Variants in SDHA observed in about 807,000 individuals in gnomAD.
SDHA encodes the protein succinate dehydrogenase [ubiquinone] flavoprotein subunit, mitochondrial.
A neutral mutation model predicts 78.4 loss-of-function variants in SDHA; 48 were observed. The ratio of observed to expected loss-of-function variants is 0.61; its 90% CI spans 0.49 to 0.78. SDHA has a LOEUF of 0.78. Among genes scored for constraint, SDHA ranks in the 30% least tolerant of loss-of-function variants. SDHA has a pLI of 0.00. For missense variants in SDHA, 680 were observed against 892.7 expected (o/e 0.76, Z 3.04); for synonymous variants, 326 against 353.9 (o/e 0.92, Z 0.88).
the SDHA span, among the ~76,000 whole-genome samples, chr5:264,592 G>A: frequency 4.6e-5 from 7 of 152,338 alleles, no homozygotes; most frequent in African/African-American, 1.7e-4. Flanking sequence ...CCCGGGTGCT[G>A]GTGGTGTCAG....
intron 11 of SDHA, among the ~76,000 whole-genome samples, chr5:244,045 G>T (rs1340075673): frequency 2.0e-5 from 3 of 152,182 alleles, no homozygotes; most frequent in African/African-American, 7.2e-5. Flanking sequence ...GGGCTAATCA[G>T]TGTCACTCTA....
intron 7 of SDHA, among the ~76,000 whole-genome samples, chr5:232,019 G>T (rs1401852316): frequency 7.3e-6 from 1 of 137,638 alleles, no homozygotes; most frequent in Non-Finnish European, 1.5e-5. Flanking sequence ...ATGAGTCAGA[G>T]ACAGACACAC....
Position 246,421 on chromosome 5 carries a change from C to T in SDHA, c.1552-4571C>T, listed in dbSNP as rs572897057. On this transcript the variant is annotated intron_variant, in intron 11 of 14. Transcript: ENST00000264932. Reference sequence around the variant, plus strand: ...GCCGTAAAGCCCAAATCAATAGAATCGATCCAGAGAAGACTCGAGCTGCGG... The same window carrying T: ...GCCGTAAAGCCCAAATCAATAGAATTGATCCAGAGAAGACTCGAGCTGCGG... Among the ~76,000 whole-genome samples the T allele has an allele frequency of 7.4e-5, 11 of 149,370 alleles. No individual in the cohort carries two copies. The South Asian group carries it at 1.5e-3, about 21-fold the overall frequency.
chr5:236,004 T>A, intron 9 of SDHA: 1 of 288,974 alleles, frequency 3.5e-6, no homozygotes. Flanking sequence ...TACTTCCCTC[T>A]TAGATACGGT....
intron 1 of SDHA, 102 bp downstream of exon 1, chr5:218,520 C>T: frequency 2.3e-6 from 2 of 888,100 alleles, no homozygotes; most frequent in South Asian, 2.7e-5. Flanking sequence ...CGCCGGGTCC[C>T]TGCGCCCTCT....
intron 1 of SDHA, among the ~76,000 whole-genome samples, chr5:222,433 T>C (rs539735990): frequency 1.3e-5 from 2 of 151,412 alleles, no homozygotes; most frequent in South Asian, 4.2e-4. Context: ...CTGCAGCCTC[T>C]GCCTTCTGGG....
rs375576259 is a variant in SDHA at position 225,548 on chromosome 5, G to A, written c.442G>A (p.Ala148Thr). 46 of 1,613,728 alleles carry A rather than the reference G, an allele frequency of 2.9e-5. No homozygotes were observed. Among genetic ancestry groups the A allele is most frequent in the African/African-American group, 2.4e-4 (18 of 74,888 alleles). Residue 148 changes from alanine to threonine, a missense_variant, in exon 4 of 15, where the codon GCC becomes ACC. By Grantham distance (58) the Ala-to-Thr change is moderately conservative (BLOSUM62 0). Coordinates refer to ENST00000264932, the MANE Select transcript of SDHA (RefSeq NM_004168.4). ...AIHYMTEQAP[A>T]AVVELENYGM... ...CCACTACATGACGGAGCAGGCCCCC[G>A]CCGCCGTGGTCGAGGTGATGGGCGG...
the SDHA span, among the ~76,000 whole-genome samples, chr5:264,775 T>G: frequency 1.3e-5 from 2 of 152,230 alleles, no homozygotes; most frequent in African/African-American, 4.8e-5. Context: ...TAGTGAGCCA[T>G]AGTTTAAAGA....
chr5:255,148 G>A (rs1393265457), intron 14 of SDHA, among the ~76,000 whole-genome samples: 4 of 151,070 alleles, frequency 2.6e-5, no homozygotes, highest in African/African-American at 9.8e-5. Context: ...TAGGGGGGTC[G>A]CAGCCTTGTT....
At chr5:253,695 A>G (rs1166280763) in intron 13 of SDHA, among the ~76,000 whole-genome samples, 11 of 152,116 alleles carry the variant, frequency 7.2e-5, no homozygotes, top group African/African-American at 2.7e-4. Context: ...TCGGCCTCCC[A>G]AAGTGCTAGG....
intron 11 of SDHA, among the ~76,000 whole-genome samples, chr5:247,695 CT>C (rs1736546569): frequency 6.6e-6 from 1 of 152,202 alleles, no homozygotes; most frequent in African/African-American, 2.4e-5. Context: ...CACCTTTTCA[CT>C]TTGGGCTGCA....
chr5:251,265 C>G (rs1736805808), intron 12 of SDHA, 73 bp from the exon 13 acceptor site: 4 of 1,563,102 alleles, frequency 2.6e-6, no homozygotes, highest in Non-Finnish European at 3.5e-6. Flanking sequence ...GACTAGCAGG[C>G]CCAGGCTGAC....
At chr5:225,346 G>A (rs1734945715) in intron 3 of SDHA, 73 bp from the exon 4 acceptor site, 4 of 1,599,544 alleles carry the variant, frequency 2.5e-6, no homozygotes, top group South Asian at 1.1e-5. Context: ...TCCCCCCAGC[G>A]GGTGGATTTG....
intron 11 of SDHA, among the ~76,000 whole-genome samples, chr5:247,740 C>T (rs1199192794): frequency 6.6e-6 from 1 of 152,192 alleles, no homozygotes; most frequent in Non-Finnish European, 1.5e-5. Context: ...CTACGTTAAA[C>T]GTCACCTTTT....
intron 10 of SDHA, among the ~76,000 whole-genome samples, chr5:239,604 A>C (rs1251062504): frequency 6.6e-6 from 1 of 151,884 alleles, no homozygotes; most frequent in African/African-American, 2.4e-5. Flanking sequence ...TTGAGAGCAC[A>C]TAAGAGTCCA....
In SDHA at chr5:252,426, C is replaced by G. The variant is rs866284766; in HGVS notation, c.1794+958C>G. 3.6e-4 allele frequency among the ~76,000 whole-genome samples: 34 copies of G among 95,156 alleles called. 6 individuals are homozygous for G. Among genetic ancestry groups the G allele is most frequent in the African/African-American group, 2.8e-3 (30 of 10,830 alleles). The allele number at this position is 95,156 out of a possible 152,430, so 62.4% of individuals were successfully genotyped here. On this transcript the variant is annotated intron_variant, in intron 13 of 14. Transcript: ENST00000264932. ...TTAAATAACGAGTAAGCCACCGTTTCAAGCCTGCCCTGTGGAGGAAATGCC... is the reference window on the plus strand; with the variant it reads ...TTAAATAACGAGTAAGCCACCGTTTGAAGCCTGCCCTGTGGAGGAAATGCC...
chr5:259,971 C>A (rs1737425814), downstream of SDHA, among the ~76,000 whole-genome samples: 1 of 56,348 alleles, frequency 1.8e-5, no homozygotes, highest in Non-Finnish European at 3.1e-5. Flanking sequence ...ACCGTGTGAG[C>A]TCCGCCTCCC....
downstream of SDHA, among the ~76,000 whole-genome samples, chr5:258,578 G>A (rs1168973487): frequency 1.7e-5 from 2 of 114,730 alleles, no homozygotes. Context: ...TCCGCCCCCC[G>A]CCAGAGCATT....
rs1009711147 is a variant in SDHA, at chr5:232,041, G to A, written c.895+1041G>A. Among the ~76,000 whole-genome samples, 4 of 150,242 alleles carry A rather than the reference G, an allele frequency of 2.7e-5. 1 individual carries two copies. Among genetic ancestry groups the A allele is most frequent in the Non-Finnish European group, 5.9e-5 (4 of 67,478 alleles). ...AGAGACAGACACACACCTGCCTCTTGTTTGAGGTGACTTGTCCTATACTTT... is the reference window on the plus strand; with the variant it reads ...AGAGACAGACACACACCTGCCTCTTATTTGAGGTGACTTGTCCTATACTTT... On this transcript the variant is annotated intron_variant, in intron 7 of 14. Transcript: ENST00000264932.
Sources: allele counts gnomAD v4.1 joint callset (sites outside exome capture counted in the v4.1 genomes callset), GRCh38; gene constraint gnomAD v4.1.1; transcripts MANE v1.5; gene names NCBI Gene and HGNC (gene_info 2026-07-23, HGNC 2026-07-21).